Variants in IFT43 observed in about 807,000 individuals in gnomAD.
IFT43 encodes the protein intraflagellar transport 43, also known as intraflagellar transport protein 43 homolog.
A neutral mutation model predicts 32.3 loss-of-function variants in IFT43; 33 were observed. That is an observed-to-expected ratio of 1.02 (90% CI 0.77 to 1.37). The LOEUF (loss-of-function observed/expected upper bound fraction) is 1.37. Ranked by LOEUF, IFT43 falls within the 40% of genes most tolerant of loss-of-function variation. The probability of loss-of-function intolerance (pLI) is 0.00; values close to 1 mark genes in which losing one functional copy is unlikely to be tolerated. For missense variants in IFT43, 274 were observed against 265.9 expected, an observed-to-expected ratio of 1.03 and a Z score of -0.21; for synonymous variants, 93 against 98.2, an observed-to-expected ratio of 0.95 and a Z score of 0.31.
At chr14:75,994,151 T>A (rs1031805015) in intron 2 of IFT43, among the ~76,000 whole-genome samples, 5 of 151,664 alleles carry the variant, frequency 3.3e-5, no homozygotes, top group Admixed American at 6.6e-5. Flanking sequence ...TATTTTAGCT[T>A]AAAAAAAATG....
chr14:76,074,780 C>G (rs977182446), intron 5 of IFT43, among the ~76,000 whole-genome samples: 11 of 152,168 alleles, frequency 7.2e-5, no homozygotes, highest in African/African-American at 2.7e-4. Context: ...AGTCGACGTG[C>G]TTGTAAACCC....
At chr14:75,989,570 C>T (rs991734921) in intron 2 of IFT43, among the ~76,000 whole-genome samples, 11 of 152,168 alleles carry the variant, frequency 7.2e-5, no homozygotes, top group Admixed American at 2.6e-4. Context: ...TTTGAAAAAA[C>T]TTTGCAAAAG....
chr14:76,009,005 C>T (rs192215114), intron 2 of IFT43, among the ~76,000 whole-genome samples: 2 of 152,132 alleles, frequency 1.3e-5, no homozygotes, highest in Admixed American at 6.5e-5. Context: ...ACCTTGAGCC[C>T]GGGAAATAAA....
intron 5 of IFT43, among the ~76,000 whole-genome samples, chr14:76,081,028 TTCTCTGTGTCTG>T: frequency 6.6e-6 from 1 of 152,366 alleles, no homozygotes; most frequent in East Asian, 1.9e-4. Flanking sequence ...CTGTTGAATT[TTCTCTGTGTCTG>T]TCTCTCCTTT....
chr14:76,004,897 T>C (rs2035953050), intron 2 of IFT43, among the ~76,000 whole-genome samples: 1 of 152,194 alleles, frequency 6.6e-6, no homozygotes, highest in African/African-American at 2.4e-5. Flanking sequence ...CATTTATTTT[T>C]CCCCATCTGT....
At chr14:75,988,793 C>T in intron 1 of IFT43, 92 bp from the exon 2 acceptor site, 3 of 1,597,482 alleles carry the variant, frequency 1.9e-6, no homozygotes, top group Non-Finnish European at 2.6e-6. Context: ...GCTGGGATTG[C>T]AGCTGTGAGC....
rs1468582074 is a variant in IFT43, at chr14:76,038,184, C to T, written c.215+15790C>T. 4 of 152,322 alleles carry T rather than the reference C, an allele frequency of 2.6e-5. No homozygotes were observed. In the East Asian group the frequency reaches 7.7e-4, roughly 29 times the overall value. The allele number at this position is 152,322 out of a possible 1,614,324, so 9.4% of individuals were successfully genotyped here. A position where few individuals can be genotyped will look rare whatever the true frequency, so the allele number is the denominator to read the frequency against. ...ATGAGTGTCCAATATTGGGTAAAAT[C>T]AGATGGGGCTGTTGCATGTGAGATG... On this transcript the variant is annotated intron_variant, in intron 3 of 8. Transcript: ENST00000314067.
intron 3 of IFT43, among the ~76,000 whole-genome samples, chr14:76,057,424 T>C (rs1164817208): frequency 6.6e-6 from 1 of 151,926 alleles, no homozygotes; most frequent in African/African-American, 2.4e-5. Flanking sequence ...AGAGATGGGG[T>C]TTCACCATGT....
chr14:76,062,679 G>A (rs1019264658), intron 5 of IFT43, among the ~76,000 whole-genome samples: 2 of 132,520 alleles, frequency 1.5e-5, no homozygotes, highest in Admixed American at 7.8e-5. Flanking sequence ...CAGTTTGGGA[G>A]GCCGAGGCTG....
intron 5 of IFT43, among the ~76,000 whole-genome samples, chr14:76,078,670 A>G (rs1259031977): frequency 6.6e-6 from 1 of 152,208 alleles, no homozygotes; most frequent in African/African-American, 2.4e-5. Context: ...CAAGGCAAGG[A>G]AGGAGTCTTC....
chr14:76,005,945 C>T (rs2035972161), intron 2 of IFT43, among the ~76,000 whole-genome samples: 1 of 151,292 alleles, frequency 6.6e-6, no homozygotes, highest in Non-Finnish European at 1.5e-5. Flanking sequence ...TGCTTTTGGA[C>T]TGTTTCAACA....
intron 5 of IFT43, among the ~76,000 whole-genome samples, chr14:76,061,430 CCTCCCA>C (rs1555367460): frequency 6.6e-6 from 1 of 152,074 alleles, no homozygotes; most frequent in Non-Finnish European, 1.5e-5. Context: ...ATTTTTCTTC[CCTCCCA>C]CTCCTTCTAA....
intron 5 of IFT43, among the ~76,000 whole-genome samples, chr14:76,075,706 C>G (rs536880223): frequency 6.6e-6 from 1 of 152,304 alleles, no homozygotes; most frequent in East Asian, 1.9e-4. Flanking sequence ...CATGATGCCA[C>G]CTCAGTGGAC....
At chr14:76,056,884 G>A (rs969874413) in intron 3 of IFT43, among the ~76,000 whole-genome samples, 1 of 152,170 alleles carries the variant, frequency 6.6e-6, no homozygotes, top group Non-Finnish European at 1.5e-5. Context: ...CTTAGAATAG[G>A]CATTGGAAGC....
chr14:76,061,700 T>C (rs1177117721), intron 5 of IFT43, among the ~76,000 whole-genome samples: 1 of 152,218 alleles, frequency 6.6e-6, no homozygotes, highest in African/African-American at 2.4e-5. Context: ...TCATTCTGTG[T>C]ATGTTTTCTT....
intron 2 of IFT43, among the ~76,000 whole-genome samples, chr14:75,989,686 T>C (rs1352799337): frequency 2.0e-5 from 3 of 152,140 alleles, no homozygotes; most frequent in African/African-American, 7.2e-5. Context: ...TGTGAACATA[T>C]GCCATTATAT....
chr14:76,008,897 C>T (rs2036028136), intron 2 of IFT43, among the ~76,000 whole-genome samples: 1 of 152,194 alleles, frequency 6.6e-6, no homozygotes, highest in African/African-American at 2.4e-5. Context: ...TCAATCTAAT[C>T]CTTGACTTGC....
At chr14:76,000,474 G>A (rs151194196) in intron 2 of IFT43, among the ~76,000 whole-genome samples, 2,037 of 151,020 alleles carry the variant, frequency 0.013, 50 homozygotes, top group African/African-American at 0.043. Flanking sequence ...GGGTTTCACC[G>A]TGTTCGCCAG....
chr14:76,064,140 C>CGAAGAG (rs2037189116), intron 5 of IFT43, among the ~76,000 whole-genome samples: 1 of 152,200 alleles, frequency 6.6e-6, no homozygotes, highest in South Asian at 2.1e-4. Flanking sequence ...TTTCCAGTAT[C>CGAAGAG]TCTTCATGAC....
Sources: gnomAD v4.1 joint callset for allele counts (sites outside exome capture counted in the v4.1 genomes callset) on GRCh38, gnomAD v4.1.1 for gene constraint, MANE v1.5 for transcripts, NCBI Gene and HGNC (gene_info 2026-07-23, HGNC 2026-07-21) for gene names.